DAB1: variants seen among roughly 807,000 people sequenced by gnomAD.
The protein encoded by DAB1 is disabled homolog 1.
Under a neutral mutation model 64.6 loss-of-function variants are expected in DAB1, and 15 were observed. The ratio of observed to expected loss-of-function variants is 0.23; its 90% CI spans 0.16 to 0.36. The LOEUF is 0.36. Ranked by LOEUF, DAB1 falls within the 10% of genes least tolerant of loss-of-function variation. The pLI is 1.00. For synonymous variants in DAB1, 235 were observed against 251.9 expected (o/e 0.93, Z 0.64); for missense variants, 596 against 706.7 (o/e 0.84, Z 1.78).
chr1:57,658,405 G>T (rs959067299), intron 6 of DAB1, among the ~76,000 whole-genome samples: 1 of 147,824 alleles, frequency 6.8e-6, no homozygotes, highest in African/African-American at 2.5e-5. Flanking sequence ...CCGGGTTCAC[G>T]CCATTCTCCT....
chr1:58,201,035 G>A (rs75259187), intron 4 of DAB1, among the ~76,000 whole-genome samples: 1 of 110,270 alleles, frequency 9.1e-6, no homozygotes, highest in Admixed American at 8.7e-5. Context: ...TTTTTTTTTT[G>A]AGATGGAGTC....
chr1:58,534,981 T>C (rs759040213), intron 1 of DAB1, among the ~76,000 whole-genome samples: 35 of 152,150 alleles, frequency 2.3e-4, no homozygotes, highest in Non-Finnish European at 4.3e-4. Flanking sequence ...ACTTAAGATT[T>C]CATCTAAGTA....
At chr1:57,057,808 C>CCA (rs1478857185) in intron 9 of DAB1, among the ~76,000 whole-genome samples, 58 of 151,686 alleles carry the variant, frequency 3.8e-4, no homozygotes, top group Middle Eastern at 3.4e-3. Flanking sequence ...CGGGGTTTCA[C>CCA]TGTATTAGCC....
chr1:57,118,642 T>C (rs981878786), intron 4 of DAB1, among the ~76,000 whole-genome samples: 1 of 152,212 alleles, frequency 6.6e-6, no homozygotes, highest in Non-Finnish European at 1.5e-5. Flanking sequence ...AAATCCTTCA[T>C]CAGCTGCCTT....
intron 3 of DAB1, among the ~76,000 whole-genome samples, chr1:58,466,432 G>C (rs549535931): frequency 6.6e-6 from 1 of 151,954 alleles, no homozygotes; most frequent in South Asian, 2.1e-4. Flanking sequence ...CTGCTTTCTC[G>C]GAGGGCCTGA....
At chr1:58,200,066 G>C (rs1214188581) in intron 4 of DAB1, among the ~76,000 whole-genome samples, 2 of 152,152 alleles carry the variant, frequency 1.3e-5, no homozygotes, top group Admixed American at 1.3e-4. Context: ...GAGACACAGA[G>C]ACTTAGAAAT....
intron 3 of DAB1, among the ~76,000 whole-genome samples, chr1:58,445,722 A>G (rs58991566): frequency 0.032 from 4,925 of 152,280 alleles, 254 homozygotes; most frequent in African/African-American, 0.11. Context: ...CAGTTTCCCT[A>G]AAGGAATACT....
intron 4 of DAB1, among the ~76,000 whole-genome samples, chr1:58,249,905 A>T (rs1410911130): frequency 2.0e-5 from 3 of 152,024 alleles, no homozygotes; most frequent in African/African-American, 7.2e-5. Flanking sequence ...CTTTGCGCAC[A>T]CTGCAGCCGC....
intron 1 of DAB1, chr1:57,860,844 C>T (rs1327660667): frequency 6.6e-6 from 1 of 152,146 alleles, no homozygotes; most frequent in Non-Finnish European, 1.5e-5. Context: ...AAGGAAAAGC[C>T]CAGGAAAGAC....
intron 5 of DAB1, among the ~76,000 whole-genome samples, chr1:57,949,137 A>G (rs2100228702): frequency 6.6e-6 from 1 of 152,070 alleles, no homozygotes; most frequent in African/African-American, 2.4e-5. Flanking sequence ...CACCAGGGAC[A>G]GATTTTATGC....
intron 2 of DAB1, among the ~76,000 whole-genome samples, chr1:57,237,597 C>T (rs1392954741): frequency 6.6e-6 from 1 of 152,168 alleles, no homozygotes; most frequent in Non-Finnish European, 1.5e-5. Flanking sequence ...AATACAATAA[C>T]CTAACTAACT....
chr1:57,033,522 C>A (rs1328950265), intron 9 of DAB1: 1 of 1,612,856 alleles, frequency 6.2e-7, no homozygotes, highest in South Asian at 1.1e-5. Context: ...GTAATTCTTA[C>A]CGGGGTGGCT....
rs1320145167 is a variant in DAB1, at chr1:58,263,186, C to CT, written n.309+80165dup. On this transcript the variant is annotated intron_variant and non_coding_transcript_variant, in intron 4 of 20. Coordinates refer to the DAB1 transcript ENST00000485760. ...AATTAATAAATAATGATTCCTTTTA[C>CT]TTTTTGGGAGCTGTAAAAAGTCCTG... is the stretch of plus-strand genomic sequence containing the variant. 1.8e-4 allele frequency among the ~76,000 whole-genome samples: 28 copies of CT among 152,090 alleles called. 1 individual carries two copies. Among genetic ancestry groups the CT allele is most frequent in the Admixed American group, 1.8e-3 (28 of 15,272 alleles).
upstream of DAB1, among the ~76,000 whole-genome samples, chr1:57,426,874 A>ATATATATATATATATATATTTTTT (rs57970737): frequency 6.7e-6 from 1 of 149,184 alleles, no homozygotes; most frequent in African/African-American, 2.5e-5. Context: ...ATATATATAT[A>ATATATATATATATATATATTTTTT]TTTTTTTGAG....
chr1:58,355,389 T>C (rs1426294192), intron 3 of DAB1, among the ~76,000 whole-genome samples: 1 of 152,218 alleles, frequency 6.6e-6, no homozygotes, highest in Non-Finnish European at 1.5e-5. Context: ...CAGTGGAAAT[T>C]TCTAGATGGT....
intron 5 of DAB1, among the ~76,000 whole-genome samples, chr1:58,106,811 G>A (rs1651668731): frequency 6.6e-6 from 1 of 151,686 alleles, no homozygotes; most frequent in East Asian, 1.9e-4. Flanking sequence ...GGGCCCAGCT[G>A]AAATAAATTG....
intron 6 of DAB1, among the ~76,000 whole-genome samples, chr1:57,669,374 G>A (rs1646484351): frequency 6.6e-6 from 1 of 152,024 alleles, no homozygotes; most frequent in African/African-American, 2.4e-5. Context: ...TATACATTCA[G>A]GCTGTCAAAA....
intron 4 of DAB1, among the ~76,000 whole-genome samples, chr1:57,131,857 G>A (rs562195061): frequency 9.2e-5 from 14 of 152,054 alleles, no homozygotes; most frequent in Non-Finnish European, 1.5e-4. Flanking sequence ...AGTCATTTTA[G>A]TTTTTATGTA....
chr1:58,065,276 A>T (rs1286962837), intron 5 of DAB1, among the ~76,000 whole-genome samples: 1 of 152,210 alleles, frequency 6.6e-6, no homozygotes, highest in East Asian at 1.9e-4. Flanking sequence ...CTTCAAATGC[A>T]GGGTGAATTT....
Sources: gnomAD v4.1 joint callset for allele counts (sites outside exome capture counted in the v4.1 genomes callset) on GRCh38, gnomAD v4.1.1 for gene constraint, MANE v1.5 for transcripts, NCBI Gene and HGNC (gene_info 2026-07-23, HGNC 2026-07-21) for gene names.